Variants in SLC49A4 observed in about 807,000 individuals in gnomAD.
SLC49A4 encodes solute carrier family 49 member 4, also known as disrupted in renal cancer protein 2.
In SLC49A4, 36 loss-of-function variants were observed where a neutral mutation model predicts 50.6. The observed-to-expected ratio is 0.71, with a 90% CI of 0.55 to 0.94. The LOEUF is 0.94. Among genes scored for constraint, SLC49A4 ranks in the 40% least tolerant of loss-of-function variants. The probability of loss-of-function intolerance (pLI) is 0.00; values close to 1 mark genes in which losing one functional copy is unlikely to be tolerated. For missense variants in SLC49A4, 503 were observed against 605.7 expected, an observed-to-expected ratio of 0.83 and a Z score of 1.78; for synonymous variants, 248 against 241.2, an observed-to-expected ratio of 1.03 and a Z score of -0.26.
At position 122,819,499 on chromosome 3, in the gene SLC49A4, G is replaced by A. The variant is rs749614751; in HGVS notation, c.438-7301G>A. ...TGTTCATCTTCATATTCCCTTTAGT[G>A]CCTAGCTGCAGGTGCCTTGACCATA... On this transcript the variant is annotated intron_variant, in intron 2 of 8. Coordinates refer to ENST00000261038, the MANE Select transcript of SLC49A4 (RefSeq NM_032839.3). 3.9e-4 allele frequency among the ~76,000 whole-genome samples: 59 copies of A among 151,976 alleles called. 1 individual carries two copies. Among genetic ancestry groups the A allele is most frequent in the Non-Finnish European group, 5.3e-4 (36 of 68,016 alleles).
At position 122,795,442 on chromosome 3, in the gene SLC49A4, G is replaced by C. The variant is rs762195304; in HGVS notation, c.250G>C (p.Gly84Arg). ...PIQNSARQAY[G>R]FSSWDIALLV... ...CCAGAACTCGGCGCGCCAGGCCTACGGCTTCTCCAGCTGGGACATCGCGCT... is the reference window on the plus strand; with the variant it reads ...CCAGAACTCGGCGCGCCAGGCCTACCGCTTCTCCAGCTGGGACATCGCGCT... The change falls in exon 1 of 9, where the codon GGC becomes CGC. Residue 84 changes from glycine to arginine, a missense_variant. Physicochemically the swap from Gly to Arg is moderately radical, Grantham distance 125. Coordinates refer to ENST00000261038, the MANE Select transcript of SLC49A4 (RefSeq NM_032839.3). 2 of 1,607,618 alleles carry C rather than the reference G, an allele frequency of 1.2e-6. No homozygotes were observed. Among genetic ancestry groups the C allele is most frequent in the Middle Eastern group, 1.9e-4 (1 of 5,282 alleles).
At chr3:122,860,234 A>C in intron 7 of SLC49A4, 32 bp downstream of exon 7, 1 of 1,549,286 alleles carries the variant, frequency 6.5e-7, no homozygotes, top group South Asian at 1.2e-5. Context: ...ACTTTTAATA[A>C]ATATTTTCAT....
At chr3:122,850,320 A>G (rs935342623) in intron 5 of SLC49A4, among the ~76,000 whole-genome samples, 1 of 152,214 alleles carries the variant, frequency 6.6e-6, no homozygotes, top group Non-Finnish European at 1.5e-5. Context: ...TAAAAACAGA[A>G]TGCTATAAGT....
intron 4 of SLC49A4, among the ~76,000 whole-genome samples, chr3:122,841,446 G>T (rs1181660589): frequency 6.6e-6 from 1 of 152,122 alleles, no homozygotes; most frequent in African/African-American, 2.4e-5. Flanking sequence ...TATCAGTGAT[G>T]GATGATGATA....
chr3:122,833,336 A>G lies in SLC49A4; in HGVS notation c.723A>G (p.Leu241=), dbSNP rs1277511856. 1.2e-6 allele frequency: 2 copies of G among 1,613,410 alleles called. No individual in the cohort carries two copies. The highest frequency in any genetic ancestry group is 2.2e-5 in the South Asian group (2 of 91,064). ...VLYAEFGVVC[L]IFSATLAYFP... ...TTTCAGAATTTGGAGTTGTCTGCTT[A>G]ATATTTTCTGCAACACTAGCTTATT... Residue 241 remains leucine, a synonymous_variant, in exon 4 of 9, where the codon TTA becomes TTG. Transcript: ENST00000261038.
At chr3:122,865,074 T>TTCA (rs535178845) in intron 7 of SLC49A4, among the ~76,000 whole-genome samples, 22 of 152,332 alleles carry the variant, frequency 1.4e-4, no homozygotes, top group Middle Eastern at 3.4e-3. Context: ...TTACTATATT[T>TTCA]TCATGTCTTT....
intron 2 of SLC49A4, among the ~76,000 whole-genome samples, chr3:122,822,669 G>A (rs1287856439): frequency 6.6e-6 from 1 of 152,094 alleles, no homozygotes; most frequent in Non-Finnish European, 1.5e-5. Context: ...TTTAGTTGCC[G>A]TGATACCAGT....
At chr3:122,857,533 C>T (rs1232525603) in intron 6 of SLC49A4, among the ~76,000 whole-genome samples, 2 of 152,058 alleles carry the variant, frequency 1.3e-5, no homozygotes, top group Non-Finnish European at 2.9e-5. Context: ...ATAATTGATA[C>T]AGGATAATGT....
chr3:122,873,556 C>T (rs2107584742), intron 8 of SLC49A4, among the ~76,000 whole-genome samples: 1 of 152,246 alleles, frequency 6.6e-6, no homozygotes, highest in East Asian at 1.9e-4. Context: ...TTTCACCCAA[C>T]AGCAAAAAGT....
In SLC49A4 at chr3:122,880,428, T is replaced by C. The variant is rs1937322330; in HGVS notation, c.*1050T>C. 1 of 152,290 alleles carries C rather than the reference T, an allele frequency of 6.6e-6. No homozygotes were observed. Among genetic ancestry groups the C allele is most frequent in the Admixed American group, 6.5e-5 (1 of 15,282 alleles). 9.4% of individuals were successfully genotyped at this position (152,290 alleles called of 1,614,324 possible). Reference sequence around the variant, plus strand: ...GCGTTTTGCCAGTACCTATCTTCTTTCTACAGAAGATAGCTTTTTAAGAAA... The same window carrying C: ...GCGTTTTGCCAGTACCTATCTTCTTCCTACAGAAGATAGCTTTTTAAGAAA... On this transcript the variant is annotated 3_prime_UTR_variant, in exon 9 of 9. Transcript: ENST00000261038.
chr3:122,858,589 G>A (rs1937019133), intron 6 of SLC49A4, among the ~76,000 whole-genome samples: 1 of 151,810 alleles, frequency 6.6e-6, no homozygotes, highest in African/African-American at 2.4e-5. Flanking sequence ...TTTTATTCTA[G>A]AAAACACAAA....
intron 5 of SLC49A4, among the ~76,000 whole-genome samples, chr3:122,853,974 A>T (rs1266331494): frequency 1.3e-5 from 2 of 152,210 alleles, no homozygotes; most frequent in Admixed American, 1.3e-4. Context: ...AACTAGGGCA[A>T]ATGTCATGAA....
Position 122,797,319 on chromosome 3 carries a change from A to G in SLC49A4, c.343+1784A>G, listed in dbSNP as rs192268831. On this transcript the variant is annotated intron_variant, in intron 1 of 8. Transcript: ENST00000261038. ...AAAGGTTCTGCGACAAGAATGATAA[A>G]GGGTATAAAAATCATGATGTGTAAA... is the stretch of plus-strand genomic sequence containing the variant. Among the ~76,000 whole-genome samples, 21 of 152,344 alleles carry G rather than the reference A, an allele frequency of 1.4e-4. No individual in the cohort carries two copies. The East Asian group carries it at 3.7e-3, about 27-fold the overall frequency.
rs752400135 is a variant in SLC49A4 at position 122,826,802 on chromosome 3, T to C, written c.440T>C (p.Leu147Ser). ...PISDLILKRR[L>S]IHGGQMLNGL... ...GCCTTTTAATTTTTAAATTCCAGAT[T>C]AATTCATGGAGGACAGATGTTAAAT... The change falls in exon 3 of 9, where the codon TTA becomes TCA. Residue 147 changes from leucine to serine, a missense_variant and splice_region_variant. Leu to Ser is a moderately radical substitution (Grantham distance 145, BLOSUM62 -2). Coordinates refer to ENST00000261038, the MANE Select transcript of SLC49A4 (RefSeq NM_032839.3). 1 of 1,609,244 alleles carries C rather than the reference T, an allele frequency of 6.2e-7. No individual in the cohort carries two copies. The highest frequency in any genetic ancestry group is 8.5e-7 in the Non-Finnish European group (1 of 1,175,854).
At chr3:122,877,556 T>C (rs148470802) in intron 8 of SLC49A4, among the ~76,000 whole-genome samples, 2 of 152,348 alleles carry the variant, frequency 1.3e-5, no homozygotes, top group Non-Finnish European at 2.9e-5. Context: ...TTGCTATGTG[T>C]GTTGCTCTAG....
rs1420954397 is a variant in SLC49A4, at chr3:122,870,839, ATAAT to A, written c.1139-1567_1139-1564del. Reference sequence around the variant, plus strand: ...AACAATAATAATAATAATAATAATAATAATTAATTAATAATTCTAAAGTGTTTTA... The same window carrying A: ...AACAATAATAATAATAATAATAATAATAATTAATAATTCTAAAGTGTTTTA... On this transcript the variant is annotated intron_variant, in intron 7 of 8. Coordinates refer to ENST00000261038, the MANE Select transcript of SLC49A4 (RefSeq NM_032839.3). Among the ~76,000 whole-genome samples the A allele has an allele frequency of 1.7e-3, 260 of 149,086 alleles. 2 individuals carry two copies. Among genetic ancestry groups the A allele is most frequent in the Admixed American group, 2.4e-3 (36 of 14,794 alleles).
chr3:122,858,215 G>A (rs1937011700), intron 6 of SLC49A4, among the ~76,000 whole-genome samples: 1 of 152,134 alleles, frequency 6.6e-6, no homozygotes, highest in Non-Finnish European at 1.5e-5. Context: ...TATTCGAAAG[G>A]ACTGGATCTC....
intron 4 of SLC49A4, among the ~76,000 whole-genome samples, chr3:122,843,115 T>C (rs1031457941): frequency 6.6e-6 from 1 of 152,250 alleles, no homozygotes; most frequent in Admixed American, 6.5e-5. Flanking sequence ...GCTTTTGCAG[T>C]ATGTGTACTG....
In SLC49A4 at chr3:122,795,158, G is replaced by GCGCCCGGCAGT. The variant is rs1032096654; in HGVS notation, c.-34_-24dup. 4.8e-5 allele frequency: 63 copies of GCGCCCGGCAGT among 1,311,532 alleles called. No individual in the cohort carries two copies. The highest frequency in any genetic ancestry group is 6.1e-5 in the Non-Finnish European group (63 of 1,039,402). The allele number at this position is 1,311,532 out of a possible 1,614,324, so 81.2% of individuals were successfully genotyped here. ...GGGCTAGTCGGCGGTGACCCGGACTGCGCCCGGCAGTGGCTTCGCGGGCGA... is the reference window on the plus strand; with the variant it reads ...GGGCTAGTCGGCGGTGACCCGGACTGCGCCCGGCAGTCGCCCGGCAGTGGCTTCGCGGGCGA... On this transcript the variant is annotated 5_prime_UTR_variant, in exon 1 of 9. Transcript: ENST00000261038.
Sources: gnomAD v4.1 joint callset for allele counts (sites outside exome capture counted in the v4.1 genomes callset) on GRCh38, gnomAD v4.1.1 for gene constraint, MANE v1.5 for transcripts, NCBI Gene and HGNC (gene_info 2026-07-23, HGNC 2026-07-21) for gene names.